The following SETBP1 variants were observed in gnomAD, a reference collection of about 807,000 sequenced individuals.
The protein encoded by SETBP1 is SET-binding protein.
In SETBP1, 9 loss-of-function variants were observed where a neutral mutation model predicts 101.0. That is an observed-to-expected ratio of 0.09 (90% confidence interval 0.05 to 0.16). The LOEUF is 0.16. SETBP1 is among the 10% of genes least tolerant of loss of function. The pLI is 1.00. For missense variants in SETBP1, 1,858 were observed against 2,033.8 expected (o/e 0.91, Z 1.66); for synonymous variants, 818 against 788.5 (o/e 1.04, Z -0.63).
At chr18:44,836,422 C>T (rs1481003350) in intron 2 of SETBP1, among the ~76,000 whole-genome samples, 1 of 152,146 alleles carries the variant, frequency 6.6e-6, no homozygotes, top group Non-Finnish European at 1.5e-5. Flanking sequence ...TGGAAGTGCC[C>T]TTAGGCCCAG....
chr18:44,867,823 G>A (rs554047726), intron 2 of SETBP1, among the ~76,000 whole-genome samples: 45 of 152,254 alleles, frequency 3.0e-4, no homozygotes, highest in Non-Finnish European at 2.6e-4. Context: ...ACCATTTTTG[G>A]CAGTCATTTA....
At chr18:44,856,083 G>A (rs1171259290) in intron 2 of SETBP1, among the ~76,000 whole-genome samples, 1 of 148,692 alleles carries the variant, frequency 6.7e-6, no homozygotes, top group East Asian at 2.0e-4. Context: ...TCTGTAGAAT[G>A]AGGTTCACAT....
chr18:44,799,005 C>T (rs2071541913), intron 2 of SETBP1, among the ~76,000 whole-genome samples: 1 of 152,128 alleles, frequency 6.6e-6, no homozygotes, highest in African/African-American at 2.4e-5. Context: ...CTCAGTGAAT[C>T]AATCAATTAT....
chr18:44,864,607 A>C (rs1003949120), intron 2 of SETBP1, among the ~76,000 whole-genome samples: 28 of 152,162 alleles, frequency 1.8e-4, no homozygotes, highest in African/African-American at 6.5e-4. Flanking sequence ...GCAGGGCCCC[A>C]GGAACACTGC....
chr18:44,838,150 G>A (rs1191565985), intron 2 of SETBP1, among the ~76,000 whole-genome samples: 1 of 152,084 alleles, frequency 6.6e-6, no homozygotes, highest in East Asian at 1.9e-4. Context: ...TGCTTCCTCA[G>A]TCACTTCTAA....
rs371581578 is a variant in SETBP1, at chr18:44,924,012, T to A, written c.541-25869T>A. Among the ~76,000 whole-genome samples the A allele has an allele frequency of 1.3e-5, 2 of 152,038 alleles. 1 individual carries two copies. Among genetic ancestry groups the A allele is most frequent in the East Asian group, 3.8e-4 (2 of 5,196 alleles). ...CAGGGAGACCCACACTCCAGTCCGT[T>A]TTTTTTTCCTTCTCTTGCCAAATTT... On this transcript the variant is annotated intron_variant, in intron 3 of 5. Coordinates refer to ENST00000649279, the MANE Select transcript of SETBP1 (RefSeq NM_015559.3).
intron 3 of SETBP1, 135 bp downstream of exon 3, chr18:44,869,418 A>G: frequency 1.2e-6 from 1 of 803,616 alleles, no homozygotes; most frequent in South Asian, 1.4e-5. Context: ...CTAACTGACA[A>G]TGACCTGGTG....
At chr18:44,731,329 T>G (rs1276838664) in intron 2 of SETBP1, among the ~76,000 whole-genome samples, 1 of 152,098 alleles carries the variant, frequency 6.6e-6, no homozygotes, top group African/African-American at 2.4e-5. Context: ...GAAGCTGTGC[T>G]TTTTCCACAT....
intron 4 of SETBP1, chr18:44,986,006 G>A (rs35167749): frequency 0.29 from 44,705 of 151,984 alleles, 7,445 homozygotes; most frequent in East Asian, 0.54. Flanking sequence ...ATACATTATG[G>A]CAGAGAGTAG....
intron 4 of SETBP1, among the ~76,000 whole-genome samples, chr18:44,976,810 G>A (rs989809653): frequency 6.6e-6 from 1 of 152,166 alleles, no homozygotes; most frequent in Non-Finnish European, 1.5e-5. Context: ...AATTAAAGGA[G>A]TGACTTCATA....
chr18:44,741,867 G>A (rs949016500), intron 2 of SETBP1, among the ~76,000 whole-genome samples: 5 of 152,108 alleles, frequency 3.3e-5, no homozygotes, highest in African/African-American at 1.2e-4. Flanking sequence ...GTGCTCAGCC[G>A]AGAGAGCTTT....
rs946749537 is a variant in SETBP1 at position 45,049,031 on chromosome 18, G to A, written c.4171+10376G>A. On this transcript the variant is annotated intron_variant, in intron 5 of 5. Transcript: ENST00000649279. ...ATAGAAGATTAGCCCCTGCCCCAGA[G>A]GAGCTTTAACACTACGTGGGAAGGC... Among the ~76,000 whole-genome samples, 6 of 148,500 alleles carry A rather than the reference G, an allele frequency of 4.0e-5. No homozygotes were observed. In the East Asian group the frequency reaches 1.2e-3, roughly 29 times the overall value.
intron 4 of SETBP1, among the ~76,000 whole-genome samples, chr18:44,990,410 A>G (rs4890495): frequency 0.22 from 33,124 of 152,062 alleles, 3,953 homozygotes; most frequent in East Asian, 0.52. Flanking sequence ...CCTGGGCAAC[A>G]TAATCAGACC....
intron 5 of SETBP1, 96 bp from the exon 6 acceptor site, chr18:45,062,982 CT>C: frequency 1.3e-6 from 2 of 1,525,414 alleles, no homozygotes; most frequent in Non-Finnish European, 1.8e-6. Flanking sequence ...TCTCTATAAT[CT>C]TTATAGCCAA....
chr18:44,940,905 C>A (rs190373912), intron 3 of SETBP1, among the ~76,000 whole-genome samples: 1 of 151,932 alleles, frequency 6.6e-6, no homozygotes, highest in Non-Finnish European at 1.5e-5. Context: ...TTCAGGTCTG[C>A]GAGAAATGAA....
intron 4 of SETBP1, among the ~76,000 whole-genome samples, chr18:44,969,344 A>G (rs2071790433): frequency 6.6e-6 from 1 of 152,162 alleles, no homozygotes; most frequent in South Asian, 2.1e-4. Flanking sequence ...TTTCCTTGTT[A>G]TTAAAAAAGA....
chr18:44,873,309 A>G (rs140988856), intron 3 of SETBP1, among the ~76,000 whole-genome samples: 496 of 152,268 alleles, frequency 3.3e-3, no homozygotes, highest in African/African-American at 0.011. Context: ...TTTGATCTTG[A>G]TTTACCTTAT....
In SETBP1 at chr18:45,033,131, A is replaced by T. The variant is rs569654293; in HGVS notation, c.4001-5354A>T. Reference sequence around the variant, plus strand: ...AGTTCATTTGCAAACAAGAAAAAAGAACAATAGAATAATCTGAATAGACAA... The same window carrying T: ...AGTTCATTTGCAAACAAGAAAAAAGTACAATAGAATAATCTGAATAGACAA... On this transcript the variant is annotated intron_variant, in intron 4 of 5. Transcript: ENST00000649279. 1.3e-4 allele frequency among the ~76,000 whole-genome samples: 20 copies of T among 152,346 alleles called. No individual in the cohort carries two copies. In the South Asian group the frequency reaches 3.9e-3, roughly 30 times the overall value.
chr18:45,004,298 G>A (rs1228791519), intron 4 of SETBP1, among the ~76,000 whole-genome samples: 1 of 152,210 alleles, frequency 6.6e-6, no homozygotes, highest in African/African-American at 2.4e-5. Flanking sequence ...CCAGGTAGAT[G>A]TTGTCCTTGG....
Sources: gnomAD v4.1 joint callset for allele counts (sites outside exome capture counted in the v4.1 genomes callset) on GRCh38, gnomAD v4.1.1 for gene constraint, MANE v1.5 for transcripts, NCBI Gene and HGNC (gene_info 2026-07-23, HGNC 2026-07-21) for gene names.